Variants in PPARA observed in about 807,000 individuals in gnomAD.
PPARA encodes the protein peroxisome proliferator activated receptor alpha.
PPARA carries 22 observed loss-of-function variants against 42.2 expected under a neutral mutation model. The ratio of observed to expected loss-of-function variants is 0.52; its 90% CI spans 0.37 to 0.74. PPARA has a LOEUF of 0.74. Among genes scored for constraint, PPARA ranks in the 30% least tolerant of loss-of-function variants. The pLI is 0.00. For missense variants in PPARA, 465 were observed against 608.2 expected, an observed-to-expected ratio of 0.76 and a Z score of 2.48; for synonymous variants, 242 against 239.3, an observed-to-expected ratio of 1.01 and a Z score of -0.10.
In PPARA at chr22:46,173,164, C is replaced by A. The variant is rs1387752601; in HGVS notation, c.-126-3589C>A. ...TAAATGTTTGAATTATGTTGAGTTG[C>A]TTAAAGTCATGCTATCGGGTAGATG... On this transcript the variant is annotated intron_variant, in intron 2 of 8. Transcript: ENST00000407236. This position sits in a 1 kb window ranked among gnomAD's most constrained non-coding sequence, Gnocchi z 4.3. 6.6e-6 allele frequency among the ~76,000 whole-genome samples: 1 copy of A among 152,206 alleles called. No individual in the cohort carries two copies. The highest frequency in any genetic ancestry group is 1.5e-5 in the Non-Finnish European group (1 of 68,032).
intron 4 of PPARA, among the ~76,000 whole-genome samples, chr22:46,206,188 G>A (rs1933284302): frequency 6.6e-6 from 1 of 152,036 alleles, no homozygotes; most frequent in Non-Finnish European, 1.5e-5. Context: ...TGCAACCTCT[G>A]CCTCCTGGGT....
chr22:46,200,429 G>A lies in PPARA; in HGVS notation c.208+1838G>A, dbSNP rs557525495. On this transcript the variant is annotated intron_variant, in intron 4 of 8. Transcript: ENST00000407236. This position sits in a 1 kb window ranked among gnomAD's most constrained non-coding sequence, Gnocchi z 4.8. ...TGTACAGCGTGTTACTGTACTGAAC[G>A]GCGTAGGCCCCTGTGACACAATGGT... Among the ~76,000 whole-genome samples, 6 of 152,344 alleles carry A rather than the reference G, an allele frequency of 3.9e-5. No individual in the cohort carries two copies. The highest frequency in any genetic ancestry group is 1.2e-4 in the African/African-American group (5 of 41,586).
At position 46,173,163 on chromosome 22, in the gene PPARA, GC is replaced by G. The variant is rs1431304567; in HGVS notation, c.-126-3589del. The stretch of plus-strand genomic sequence containing the variant: ...CTAAATGTTTGAATTATGTTGAGTT[GC>G]TTAAAGTCATGCTATCGGGTAGATG... On this transcript the variant is annotated intron_variant, in intron 2 of 8. Transcript: ENST00000407236. The surrounding 1 kb of genome is among the most constrained non-coding windows in gnomAD (Gnocchi z 4.3). 6.6e-6 allele frequency among the ~76,000 whole-genome samples: 1 copy of G among 152,188 alleles called. No homozygotes were observed. Among genetic ancestry groups the G allele is most frequent in the Non-Finnish European group, 1.5e-5 (1 of 68,018 alleles).
chr22:46,177,013 A>G (rs912565102), intron 3 of PPARA, among the ~76,000 whole-genome samples, 177 bp downstream of exon 3: 6 of 152,214 alleles, frequency 3.9e-5, no homozygotes, highest in South Asian at 2.1e-4. Flanking sequence ...GATTGAGACC[A>G]TCCTGGCTAA....
Position 46,218,927 on chromosome 22 carries a change from C to T in PPARA, c.508+526C>T, listed in dbSNP as rs181129508. Among the ~76,000 whole-genome samples the T allele has an allele frequency of 1.5e-3, 225 of 149,298 alleles. 2 individuals carry two copies. Among genetic ancestry groups the T allele is most frequent in the African/African-American group, 5.3e-3 (215 of 40,534 alleles). On this transcript the variant is annotated intron_variant, in intron 6 of 8. Transcript: ENST00000407236. ...CCTGTAATCCCAGCACTTTGGAGGC[C>T]GAGGCGGGTGGATCACTTGAGGTCA...
chr22:46,200,247 A>C lies in PPARA; in HGVS notation c.208+1656A>C, dbSNP rs1007338992. 9.8e-5 allele frequency among the ~76,000 whole-genome samples: 15 copies of C among 152,350 alleles called. No homozygotes were observed. Among genetic ancestry groups the C allele is most frequent in the African/African-American group, 3.1e-4 (13 of 41,598 alleles). On this transcript the variant is annotated intron_variant, in intron 4 of 8. Transcript: ENST00000407236. This position sits in a 1 kb window ranked among gnomAD's most constrained non-coding sequence, Gnocchi z 4.8. The stretch of plus-strand genomic sequence containing the variant: ...TGGGTGGTGTGTACATGGGTATTAC[A>C]GTCATGTTGCTTAATGACAGGGACA...
In PPARA at chr22:46,237,935, G is replaced by A. The variant is rs2147734920; in HGVS notation, c.*2555G>A. 6.6e-6 allele frequency: 1 copy of A among 152,424 alleles called. No individual in the cohort carries two copies. The allele number at this position is 152,424 out of a possible 1,614,324, so 9.4% of individuals were successfully genotyped here. On this transcript the variant is annotated 3_prime_UTR_variant, in exon 9 of 9. Transcript: ENST00000407236. The surrounding 1 kb of genome is among the most constrained non-coding windows in gnomAD (Gnocchi z 6.7). ...TGTACCCTGTGCCATTCAAGGAGAT[G>A]TGGTCCAGGAAAGTGAGCCTCATGG...
rs1926912678 is a variant in PPARA at position 46,165,537 on chromosome 22, TTAAGAGCCTGAGTGGC to T, written c.-126-11215_-126-11200del. On this transcript the variant is annotated intron_variant, in intron 2 of 8. Transcript: ENST00000407236. The surrounding 1 kb of genome is among the most constrained non-coding windows in gnomAD (Gnocchi z 5.5). ...GTTGGCCAATTTATGAAAGAAGCAG[TTAAGAGCCTGAGTGGC>T]ACTTTTGAGGGGCTAGAAGGGAAGA... 6.6e-6 allele frequency among the ~76,000 whole-genome samples: 1 copy of T among 152,130 alleles called. No individual in the cohort carries two copies. Among genetic ancestry groups the T allele is most frequent in the Admixed American group, 6.5e-5 (1 of 15,268 alleles).
chr22:46,155,593 G>A (rs991927208), intron 2 of PPARA: 4 of 152,148 alleles, frequency 2.6e-5, no homozygotes, highest in African/African-American at 7.2e-5. Context: ...GGGATTACAG[G>A]TGTGAGCCAC....
intron 2 of PPARA, among the ~76,000 whole-genome samples, chr22:46,153,251 C>T (rs1049605946): frequency 2.8e-5 from 4 of 144,334 alleles, no homozygotes; most frequent in Admixed American, 1.4e-4. Flanking sequence ...CTCACCGCAA[C>T]GTCCACCTCA....
chr22:46,154,269 G>T (rs1924915462), intron 2 of PPARA, among the ~76,000 whole-genome samples: 2 of 152,156 alleles, frequency 1.3e-5, no homozygotes, highest in Non-Finnish European at 2.9e-5. Context: ...TTTAGTAATT[G>T]GTGGCCAGTG....
chr22:46,220,173 G>A, intron 7 of PPARA, 159 bp downstream of exon 7: 1 of 885,878 alleles, frequency 1.1e-6, no homozygotes, highest in Non-Finnish European at 1.8e-6. Context: ...GAGACTCTGA[G>A]CTGTAGCTTA....
intron 3 of PPARA, among the ~76,000 whole-genome samples, chr22:46,177,300 C>G (rs1205210450): frequency 6.6e-6 from 1 of 151,608 alleles, no homozygotes; most frequent in Non-Finnish European, 1.5e-5. Flanking sequence ...TAATTAATCC[C>G]AACATTATGT....
intron 4 of PPARA, among the ~76,000 whole-genome samples, chr22:46,202,697 C>T (rs1932901586): frequency 6.6e-6 from 1 of 151,612 alleles, no homozygotes; most frequent in South Asian, 2.1e-4. Context: ...CAGAGTTTCA[C>T]TCTTGCTGCC....
rs962958946 is a variant in PPARA at position 46,230,352 on chromosome 22, C to G, written c.712-1440C>G. 6.7e-6 allele frequency among the ~76,000 whole-genome samples: 1 copy of G among 149,428 alleles called. No homozygotes were observed. On this transcript the variant is annotated intron_variant, in intron 7 of 8. Coordinates refer to ENST00000407236, the MANE Select transcript of PPARA (RefSeq NM_005036.6). This position sits in a 1 kb window ranked among gnomAD's most constrained non-coding sequence, Gnocchi z 5.0. ...TGCCATTGCACTCCAGCCTGGGCAACAAGAGCAAAACTCTGTCTCAAAAAA... is the reference window on the plus strand; with the variant it reads ...TGCCATTGCACTCCAGCCTGGGCAAGAAGAGCAAAACTCTGTCTCAAAAAA...
chr22:46,222,486 C>A lies in PPARA; in HGVS notation c.711+2472C>A, dbSNP rs1278149959. ...AAACCAAACCTCTTCTTTACTGAGT[C>A]CTTTAATTCTTCAGTGAATTCTCCA... is the stretch of plus-strand genomic sequence containing the variant. On this transcript the variant is annotated intron_variant, in intron 7 of 8. Transcript: ENST00000407236. The surrounding 1 kb of genome is among the most constrained non-coding windows in gnomAD (Gnocchi z 5.9). 6.6e-6 allele frequency among the ~76,000 whole-genome samples: 1 copy of A among 152,184 alleles called. No individual in the cohort carries two copies. The highest frequency in any genetic ancestry group is 1.5e-5 in the Non-Finnish European group (1 of 68,036).
chr22:46,159,403 C>T (rs1018303876), intron 2 of PPARA, among the ~76,000 whole-genome samples: 9 of 152,146 alleles, frequency 5.9e-5, no homozygotes, highest in African/African-American at 2.2e-4. Flanking sequence ...TTGAGTTGTA[C>T]GATTGTCGTT....
At position 46,162,350 on chromosome 22, in the gene PPARA, C is replaced by T. The variant is rs538825330; in HGVS notation, c.-127+10380C>T. On this transcript the variant is annotated intron_variant, in intron 2 of 8. Coordinates refer to ENST00000407236, the MANE Select transcript of PPARA (RefSeq NM_005036.6). This position sits in a 1 kb window ranked among gnomAD's most constrained non-coding sequence, Gnocchi z 6.0. Reference sequence around the variant, plus strand: ...TGGCCCTGACATTCCAGGGACTGACCGACACGCTGTCTACACAAACCCCTT... The same window carrying T: ...TGGCCCTGACATTCCAGGGACTGACTGACACGCTGTCTACACAAACCCCTT... Among the ~76,000 whole-genome samples the T allele has an allele frequency of 3.1e-4, 47 of 152,090 alleles. No individual in the cohort carries two copies. Among genetic ancestry groups the T allele is most frequent in the Non-Finnish European group, 4.1e-4 (28 of 68,020 alleles).
intron 4 of PPARA, among the ~76,000 whole-genome samples, chr22:46,207,664 TA>T (rs1822028713): frequency 2.0e-4 from 23 of 117,346 alleles, no homozygotes; most frequent in African/African-American, 7.6e-4. Flanking sequence ...TTATTATTAT[TA>T]TTATTATTAT....
Sources: gnomAD v4.1 joint callset for allele counts (sites outside exome capture counted in the v4.1 genomes callset) on GRCh38, gnomAD v4.1.1 for gene constraint, Gnocchi (gnomAD v3.1) non-coding constraint, MANE v1.5 for transcripts, NCBI Gene and HGNC (gene_info 2026-07-23, HGNC 2026-07-21) for gene names.